PRKACB: variants seen among roughly 807,000 people sequenced by gnomAD.
PRKACB encodes cAMP-dependent protein kinase catalytic subunit beta.
In PRKACB, 16 loss-of-function variants were observed where a neutral mutation model predicts 51.4. The ratio of observed to expected loss-of-function variants is 0.31; its 90% confidence interval spans 0.21 to 0.47. The LOEUF (loss-of-function observed/expected upper bound fraction) is 0.47. PRKACB is among the 20% of genes least tolerant of loss of function. The probability of loss-of-function intolerance (pLI) is 1.00; values close to 1 mark genes in which losing one functional copy is unlikely to be tolerated. For missense variants in PRKACB, 309 were observed against 464.5 expected, an observed-to-expected ratio of 0.67 and a Z score of 3.08; for synonymous variants, 147 against 154.4, an observed-to-expected ratio of 0.95 and a Z score of 0.35.
At chr1:84,092,996 C>G (rs887590430) in intron 1 of PRKACB, among the ~76,000 whole-genome samples, 2 of 151,854 alleles carry the variant, frequency 1.3e-5, no homozygotes, top group Admixed American at 1.3e-4. Context: ...ATTTTCCCCC[C>G]AGACGTATGT....
chr1:84,145,533 G>T (rs1010713008), intron 1 of PRKACB, among the ~76,000 whole-genome samples: 2 of 152,084 alleles, frequency 1.3e-5, no homozygotes, highest in African/African-American at 2.4e-5. Context: ...ACAGCACCTT[G>T]ACAGTGTTAT....
chr1:84,082,097 T>G (rs1214890125), intron 1 of PRKACB, among the ~76,000 whole-genome samples: 1 of 152,198 alleles, frequency 6.6e-6, no homozygotes, highest in Non-Finnish European at 1.5e-5. Flanking sequence ...GTAAAGCACT[T>G]GAGTTATTCC....
intron 9 of PRKACB, among the ~76,000 whole-genome samples, chr1:84,216,523 A>T (rs1672905801): frequency 6.6e-6 from 1 of 152,182 alleles, no homozygotes; most frequent in Admixed American, 6.5e-5. Context: ...TATCGCAAAT[A>T]GATATGTTAT....
rs567805570 is a variant in PRKACB, at chr1:84,212,401, C to T, written c.907-1752C>T. 2.0e-5 allele frequency among the ~76,000 whole-genome samples: 3 copies of T among 152,244 alleles called. No individual in the cohort carries two copies. The East Asian group carries it at 5.8e-4, about 29-fold the overall frequency. On this transcript the variant is annotated intron_variant, in intron 8 of 9. Coordinates refer to ENST00000370685, the MANE Select transcript of PRKACB (RefSeq NM_182948.4). ...TCAAAAGCTATGGTTATGAATTTAA[C>T]TTTACTATAAAACCTATCTTTGCAT... is the stretch of plus-strand genomic sequence containing the variant.
At position 84,081,385 on chromosome 1, in the gene PRKACB, T is replaced by A. The variant is rs1028562996; in HGVS notation, c.46+3014T>A. ...AGATAACATTAACTTAGGTACCTGT[T>A]GTTCTGCTGTAGTGAATTAGGAAAT... On this transcript the variant is annotated intron_variant, in intron 1 of 8. Coordinates refer to the PRKACB transcript ENST00000370688. 7.2e-5 allele frequency among the ~76,000 whole-genome samples: 11 copies of A among 152,316 alleles called. 1 individual carries two copies. In the South Asian group the frequency reaches 1.5e-3, roughly 20 times the overall value.
intron 1 of PRKACB, among the ~76,000 whole-genome samples, chr1:84,105,561 T>G: frequency 2.1e-5 from 1 of 47,004 alleles, no homozygotes; most frequent in South Asian, 5.0e-4. Context: ...ATTTATTTAT[T>G]TATTTATTTA....
At chr1:84,085,885 G>T in intron 1 of PRKACB, 1 of 623,468 alleles carries the variant, frequency 1.6e-6, no homozygotes, top group South Asian at 2.0e-5. Flanking sequence ...ACCCAACTCA[G>T]CCCAGACCAT....
chr1:84,159,084 GTTC>G (rs1655869018), intron 1 of PRKACB, among the ~76,000 whole-genome samples: 1 of 151,920 alleles, frequency 6.6e-6, no homozygotes, highest in South Asian at 2.1e-4. Context: ...CTCCAACTTT[GTTC>G]TTCTTTTATC....
chr1:84,236,759 G>A lies in PRKACB; in HGVS notation c.*1454G>A, dbSNP rs1480026238. On this transcript the variant is annotated 3_prime_UTR_variant, in exon 10 of 10. Coordinates refer to ENST00000370685, the MANE Select transcript of PRKACB (RefSeq NM_182948.4). ...TGAGAATCCATGGCTTAACCCACTT[G>A]TTTTGCTATTTTTTTCTTTGCTTTT... The A allele has an allele frequency of 6.6e-6, 1 of 152,392 alleles. No homozygotes were observed. The highest frequency in any genetic ancestry group is 2.4e-5 in the African/African-American group (1 of 41,388). 9.4% of individuals were successfully genotyped at this position (152,392 alleles called of 1,614,324 possible). A position where few individuals can be genotyped will look rare whatever the true frequency, so the allele number is the denominator to read the frequency against.
chr1:84,182,194 A>G lies in PRKACB; in HGVS notation c.250-6A>G, dbSNP rs1339305389. The G allele has an allele frequency of 4.6e-6, 7 of 1,531,116 alleles. No individual in the cohort carries two copies. The highest frequency in any genetic ancestry group is 1.8e-4 in the Middle Eastern group (1 of 5,544). 94.8% of individuals were successfully genotyped at this position (1,531,116 alleles called of 1,614,324 possible). A position where few individuals can be genotyped will look rare whatever the true frequency, so the allele number is the denominator to read the frequency against. Reference sequence around the variant, plus strand: ...TTTTAAATTTTATTTATGTATTTACATATAGAATAATGCCGGACTTGAAGA... The same window carrying G: ...TTTTAAATTTTATTTATGTATTTACGTATAGAATAATGCCGGACTTGAAGA... On this transcript the variant is annotated splice_polypyrimidine_tract_variant and splice_region_variant and intron_variant, in intron 2 of 9. Coordinates refer to ENST00000370685, the MANE Select transcript of PRKACB (RefSeq NM_182948.4).
intron 1 of PRKACB, among the ~76,000 whole-genome samples, chr1:84,135,388 G>A (rs1225231692): frequency 6.6e-6 from 1 of 152,172 alleles, no homozygotes; most frequent in Admixed American, 6.5e-5. Flanking sequence ...CAGAAAATCA[G>A]TGTAAGTAGG....
At chr1:84,200,746 T>C (rs890803099) in intron 7 of PRKACB, among the ~76,000 whole-genome samples, 5 of 152,208 alleles carry the variant, frequency 3.3e-5, no homozygotes, top group African/African-American at 1.2e-4. Flanking sequence ...AGGGAAACTT[T>C]TCCCCATTGC....
chr1:84,230,104 T>G (rs1367207639), intron 9 of PRKACB, among the ~76,000 whole-genome samples: 1 of 152,104 alleles, frequency 6.6e-6, no homozygotes, highest in East Asian at 1.9e-4. Flanking sequence ...TGAATTGATT[T>G]TTGTATAAGG....
chr1:84,128,572 CTTTAA>C (rs1651865870), intron 1 of PRKACB, among the ~76,000 whole-genome samples: 1 of 152,008 alleles, frequency 6.6e-6, no homozygotes, highest in Non-Finnish European at 1.5e-5. Context: ...CTTTGATTTT[CTTTAA>C]TTTAAATAAA....
upstream of PRKACB, among the ~76,000 whole-genome samples, chr1:84,139,789 T>G (rs370009236): frequency 5.6e-4 from 86 of 152,362 alleles, 1 homozygote; most frequent in South Asian, 0.017. Flanking sequence ...CCGGGCACTG[T>G]GGCTTACGCC....
At chr1:84,227,777 A>G (rs952555557) in intron 9 of PRKACB, among the ~76,000 whole-genome samples, 1 of 152,254 alleles carries the variant, frequency 6.6e-6, no homozygotes, top group African/African-American at 2.4e-5. Context: ...ATTTACAAAT[A>G]AAAATAGCAG....
At chr1:84,108,939 C>G (rs750618364) in intron 1 of PRKACB, among the ~76,000 whole-genome samples, 5 of 151,962 alleles carry the variant, frequency 3.3e-5, no homozygotes, top group Non-Finnish European at 5.9e-5. Flanking sequence ...ACCATTCTCT[C>G]TACTTTGACA....
chr1:84,135,575 G>C (rs915866030), intron 1 of PRKACB, among the ~76,000 whole-genome samples: 2 of 152,116 alleles, frequency 1.3e-5, no homozygotes, highest in African/African-American at 4.8e-5. Context: ...ATCATGCAAA[G>C]TATGTTCTTA....
At chr1:84,172,643 TGTCTCATTAAAA>T (rs1659913216) in intron 1 of PRKACB, among the ~76,000 whole-genome samples, 1 of 151,752 alleles carries the variant, frequency 6.6e-6, no homozygotes, top group Non-Finnish European at 1.5e-5. Flanking sequence ...TTTAAATATA[TGTCTCATTAAAA>T]GTGTTTATAT....
Sources: allele counts gnomAD v4.1 joint callset (sites outside exome capture counted in the v4.1 genomes callset), GRCh38; gene constraint gnomAD v4.1.1; transcripts MANE v1.5; gene names NCBI Gene and HGNC (gene_info 2026-07-23, HGNC 2026-07-21).